ITGAX: variants seen among roughly 807,000 people sequenced by gnomAD.
The protein encoded by ITGAX is integrin subunit alpha X, also known as integrin alpha-X.
Under a neutral mutation model 140.2 loss-of-function variants are expected in ITGAX, and 99 were observed. The ratio of observed to expected loss-of-function variants is 0.71; its 90% CI spans 0.60 to 0.83. The LOEUF is 0.83. Ranked by LOEUF, ITGAX falls within the 40% of genes least tolerant of loss-of-function variation. The pLI is 0.00. For synonymous variants in ITGAX, 631 were observed against 600.4 expected (o/e 1.05, Z -0.75); for missense variants, 1,444 against 1,482.0 (o/e 0.97, Z 0.42).
At position 31,382,436 on chromosome 16, in the gene ITGAX, A is replaced by G; in HGVS notation, c.*529A>G. The G allele has an allele frequency of 6.5e-7, 1 of 1,535,282 alleles. No individual in the cohort carries two copies. The highest frequency in any genetic ancestry group is 8.7e-7 in the Non-Finnish European group (1 of 1,146,342). ...CGATCTTTCTAAAATACAGTTCTGA[A>G]TATGCTGCTCATCCCCACCTGTCTT... On this transcript the variant is annotated 3_prime_UTR_variant, in exon 30 of 30. Coordinates refer to ENST00000268296, the MANE Select transcript of ITGAX (RefSeq NM_000887.5).
chr16:31,362,321 G>C, intron 11 of ITGAX, 117 bp downstream of exon 11: 2 of 1,438,846 alleles, frequency 1.4e-6, no homozygotes, highest in Admixed American at 1.9e-5. Flanking sequence ...CAGGCTTCTG[G>C]GGAGGGAGGA....
intron 23 of ITGAX, among the ~76,000 whole-genome samples, chr16:31,378,031 T>C (rs2081035783): frequency 2.6e-5 from 4 of 152,106 alleles, no homozygotes. Context: ...GAGGCAGTGG[T>C]GAGACTGGCC....
chr16:31,370,935 CTCT>C, intron 14 of ITGAX, 146 bp from the exon 15 acceptor site: 1 of 959,486 alleles, frequency 1.0e-6, no homozygotes. Context: ...CTCCTACCTC[CTCT>C]TTTCAGGTTC....
chr16:31,356,592 C>T, intron 2 of ITGAX, 33 bp from the exon 3 acceptor site: 1 of 1,508,304 alleles, frequency 6.6e-7, no homozygotes, highest in Non-Finnish European at 9.1e-7. Flanking sequence ...AGCGTCCACA[C>T]TCTTACCTAA....
rs201604889 is a variant in ITGAX, at chr16:31,371,108, T to C, written c.1735T>C (p.Ser579Pro). The C allele has an allele frequency of 1.6e-4, 261 of 1,613,990 alleles. No homozygotes were observed. The highest frequency in any genetic ancestry group is 2.0e-4 in the Non-Finnish European group (234 of 1,180,044). The change falls in exon 15 of 30, where the codon TCC (serine) becomes CCC (proline). Residue 579 changes from serine (S) to proline (P), a missense_variant. Physicochemically the swap from Ser to Pro is moderately conservative, Grantham distance 74. Transcript: ENST00000268296. Reference protein sequence around the residue: ...SQRIAGSQLSSRLQYFGQALS... With the variant: ...SQRIAGSQLSPRLQYFGQALS... ...GCGGATCGCGGGCTCCCAGCTCTCCTCCAGGCTGCAGTATTTTGGGCAGGC... is the reference window on the plus strand; with the variant it reads ...GCGGATCGCGGGCTCCCAGCTCTCCCCCAGGCTGCAGTATTTTGGGCAGGC...
chr16:31,380,939 C>T lies in ITGAX; in HGVS notation c.3319C>T (p.Pro1107Ser). The change falls in exon 29 of 30, where the codon CCC becomes TCC. Residue 1107 changes from proline (P) to serine (S), a missense_variant. By Grantham distance (74) the Pro-to-Ser change is moderately conservative. Transcript: ENST00000268296. ...GAAGTACAAGGTCCACAACCCCACC[C>T]CCCTCATCGTAGGCAGCTCCATTGG... ...LEKYKVHNPT[P>S]LIVGSSIGGL... 6.2e-7 allele frequency: 1 copy of T among 1,614,124 alleles called. No individual in the cohort carries two copies. Among genetic ancestry groups the T allele is most frequent in the Non-Finnish European group, 8.5e-7 (1 of 1,180,014 alleles).
chr16:31,371,263 T>TG (rs764724120), intron 15 of ITGAX, 49 bp downstream of exon 15: 3 of 1,606,394 alleles, frequency 1.9e-6, no homozygotes, highest in African/African-American at 1.3e-5. Context: ...TAGGTTCAGA[T>TG]GGGGGTGCCC....
rs1243624138 is a variant in ITGAX at position 31,355,275 on chromosome 16, ACTC to A, written c.27_29del (p.Leu10del). 4.3e-6 allele frequency: 7 copies of A among 1,613,378 alleles called. No individual in the cohort carries two copies. In the East Asian group the frequency reaches 1.6e-4, roughly 36 times the overall value. ...TAGTCATGACCAGGACCAGGGCAGC[ACTC>A]CTCCTGTTCACAGGTGAGCCTGGAC... On this transcript the variant is annotated inframe_deletion, in exon 1 of 30. Transcript: ENST00000268296.
At position 31,379,736 on chromosome 16, in the gene ITGAX, C is replaced by T. The variant is rs1316139344; in HGVS notation, c.2869-21C>T. ...GATTTGGGCTTTGGCGTGGGCTCTG[C>T]CCTCAGTGCCCTCTGTGCAGGTCAA... On this transcript the variant is annotated intron_variant, in intron 24 of 29. Coordinates refer to ENST00000268296, the MANE Select transcript of ITGAX (RefSeq NM_000887.5). 3 of 1,607,340 alleles carry T rather than the reference C, an allele frequency of 1.9e-6. No individual in the cohort carries two copies. The East Asian group carries it at 6.7e-5, about 36-fold the overall frequency.
chr16:31,380,630 G>C lies in ITGAX; in HGVS notation c.3276+6G>C. 1 of 1,614,220 alleles carries C rather than the reference G, an allele frequency of 6.2e-7. No homozygotes were observed. The highest frequency in any genetic ancestry group is 8.5e-7 in the Non-Finnish European group (1 of 1,180,018). On this transcript the variant is annotated splice_donor_region_variant and intron_variant, in intron 28 of 29. Transcript: ENST00000268296. ...AGGCATTTATGAGAGCTCAGGTAGAGACCATGTGGAGGGCAGCGACCAGGC... is the reference window on the plus strand; with the variant it reads ...AGGCATTTATGAGAGCTCAGGTAGACACCATGTGGAGGGCAGCGACCAGGC...
chr16:31,360,086 G>C (rs1178792885), intron 7 of ITGAX, 21 bp downstream of exon 7: 3 of 1,606,716 alleles, frequency 1.9e-6, no homozygotes, highest in Non-Finnish European at 1.7e-6. Flanking sequence ...ATTTCTTCCA[G>C]GCACAGTCCC....
intron 14 of ITGAX, among the ~76,000 whole-genome samples, chr16:31,370,861 C>T (rs985528126): frequency 1.3e-5 from 2 of 152,098 alleles, no homozygotes; most frequent in Non-Finnish European, 2.9e-5. Context: ...GAATGACACT[C>T]GGGTCACCAG....
rs75652952 is a variant in ITGAX at position 31,360,048 on chromosome 16, C to T, written c.690C>T (p.Thr230=). The T allele has an allele frequency of 2.8e-5, 45 of 1,611,350 alleles. No individual in the cohort carries two copies. The highest frequency in any genetic ancestry group is 3.3e-5 in the Non-Finnish European group (39 of 1,180,028). The change falls in exon 7 of 30, where the codon ACC becomes ACT. Residue 230 remains threonine, a synonymous_variant. Transcript: ENST00000268296. ...TGCAAGGGTTTACATACACGGCCAC[C>T]GCCATCCAAAATGTCGTGTGAGTCC... is the stretch of plus-strand genomic sequence containing the variant. The part of the protein sequence containing the change: ...HQLQGFTYTA[T]AIQNVVHRLF...
chr16:31,357,047 G>C lies in ITGAX; in HGVS notation c.264G>C (p.Val88=). The C allele has an allele frequency of 1.9e-6, 3 of 1,610,224 alleles. No homozygotes were observed. The highest frequency in any genetic ancestry group is 2.5e-6 in the Non-Finnish European group (3 of 1,179,508). ...PIGLQVPPEA[V]NMSLGLSLAS... ...TCCCCACAGTGCCCCCGGAGGCCGT[G>C]AACATGTCCCTGGGCCTGTCCCTGG... Residue 88 remains valine, a synonymous_variant, in exon 4 of 30, where the codon GTG becomes GTC. Transcript: ENST00000268296.
At chr16:31,372,064 T>C (rs1430137954) in intron 17 of ITGAX, among the ~76,000 whole-genome samples, 4 of 151,882 alleles carry the variant, frequency 2.6e-5, no homozygotes, top group African/African-American at 4.8e-5. Context: ...TTTTCAGGCA[T>C]TCACTGGACA....
intron 17 of ITGAX, 115 bp downstream of exon 17, chr16:31,371,899 C>T (rs1436142649): frequency 8.0e-7 from 1 of 1,251,170 alleles, no homozygotes; most frequent in Non-Finnish European, 1.1e-6. Flanking sequence ...ACAGGACCAG[C>T]CATGCAGGAC....
Position 31,355,788 on chromosome 16 carries a change from G to A in ITGAX, c.38-105G>A, listed in dbSNP as rs1419331711. The A allele has an allele frequency of 8.5e-6, 7 of 827,392 alleles. No homozygotes were observed. In the Admixed American group the frequency reaches 1.1e-4, roughly 13 times the overall value. The allele number at this position is 827,392 out of a possible 1,614,324, so 51.3% of individuals were successfully genotyped here. ...GTGTCCAGAAGACCCAGGCACCCCG[G>A]GCATCAGGCTCGGAGGGGAGATTGG... On this transcript the variant is annotated intron_variant, in intron 1 of 29. Coordinates refer to ENST00000268296, the MANE Select transcript of ITGAX (RefSeq NM_000887.5).
intron 14 of ITGAX, among the ~76,000 whole-genome samples, chr16:31,368,326 A>G (rs1211514628): frequency 6.6e-6 from 1 of 151,700 alleles, no homozygotes; most frequent in Non-Finnish European, 1.5e-5. Flanking sequence ...AAACCTCTCT[A>G]CTAAACATCT....
At chr16:31,369,123 T>C (rs1459245790) in intron 14 of ITGAX, among the ~76,000 whole-genome samples, 2 of 152,018 alleles carry the variant, frequency 1.3e-5, no homozygotes, top group African/African-American at 2.4e-5. Flanking sequence ...AGCTGTTGGG[T>C]ACACCTCCCA....
Sources: allele counts gnomAD v4.1 joint callset (sites outside exome capture counted in the v4.1 genomes callset), GRCh38; gene constraint gnomAD v4.1.1; transcripts MANE v1.5; gene names NCBI Gene and HGNC (gene_info 2026-07-23, HGNC 2026-07-21).